Variants in MSRA observed in about 807,000 individuals in gnomAD.
MSRA encodes the protein methionine sulfoxide reductase A.
A neutral mutation model predicts 31.3 loss-of-function variants in MSRA; 54 were observed. That is an observed-to-expected ratio of 1.73 (90% CI 1.39 to 2.17). The LOEUF is 2.17. Ranked by LOEUF, MSRA falls within the 30% of genes most tolerant of loss-of-function variation. The pLI is 0.00. For missense variants in MSRA, 507 were observed against 300.9 expected, an observed-to-expected ratio of 1.69 and a Z score of -5.07; for synonymous variants, 169 against 116.5, an observed-to-expected ratio of 1.45 and a Z score of -2.90.
chr8:10,171,726 C>T (rs1263779380), intron 1 of MSRA, among the ~76,000 whole-genome samples: 3 of 152,190 alleles, frequency 2.0e-5, no homozygotes, highest in African/African-American at 7.2e-5. Context: ...ACACTTTGAA[C>T]ATCATCTTTA....
intron 5 of MSRA, among the ~76,000 whole-genome samples, chr8:10,381,921 A>C (rs1387216401): frequency 6.6e-6 from 1 of 152,208 alleles, no homozygotes; most frequent in African/African-American, 2.4e-5. Context: ...CCAGGGGATT[A>C]GAGGCATGTC....
At chr8:10,342,606 G>C (rs757609837) in intron 5 of MSRA, among the ~76,000 whole-genome samples, 13 of 152,234 alleles carry the variant, frequency 8.5e-5, no homozygotes, top group Non-Finnish European at 1.6e-4. Context: ...AGTCAAATCT[G>C]AGGCCGTTGT....
chr8:10,066,754 C>T (rs998137311), intron 1 of MSRA, among the ~76,000 whole-genome samples: 2 of 151,850 alleles, frequency 1.3e-5, no homozygotes, highest in South Asian at 2.1e-4. Context: ...GGGCTGGTCT[C>T]GAACTCCTGA....
intron 2 of MSRA, among the ~76,000 whole-genome samples, chr8:10,220,013 T>G (rs138563282): frequency 1.3e-5 from 2 of 151,958 alleles, no homozygotes; most frequent in Non-Finnish European, 2.9e-5. Flanking sequence ...GGTTGAACCA[T>G]GTGGAGAAAC....
intron 3 of MSRA, among the ~76,000 whole-genome samples, chr8:10,279,489 TGATC>T (rs1314239772): frequency 6.6e-6 from 1 of 152,188 alleles, no homozygotes; most frequent in African/African-American, 2.4e-5. Context: ...AGTTTGAGTT[TGATC>T]GTCATCCTCC....
intron 5 of MSRA, among the ~76,000 whole-genome samples, chr8:10,342,173 C>T (rs1391971569): frequency 2.0e-5 from 3 of 152,188 alleles, no homozygotes; most frequent in Admixed American, 1.3e-4. Flanking sequence ...GATTTTTCCG[C>T]TCATTTGTTT....
chr8:10,189,003 T>C (rs944249493), intron 1 of MSRA, among the ~76,000 whole-genome samples: 6 of 152,234 alleles, frequency 3.9e-5, no homozygotes, highest in Non-Finnish European at 8.8e-5. Flanking sequence ...GAACATGATG[T>C]ATCTTTCCAT....
At chr8:10,132,344 C>G (rs759171560) in intron 1 of MSRA, among the ~76,000 whole-genome samples, 1 of 152,210 alleles carries the variant, frequency 6.6e-6, no homozygotes, top group Middle Eastern at 3.2e-3. Context: ...TTCTCTGAAG[C>G]GTGTTTGACT....
chr8:10,342,673 A>G (rs979470021), intron 5 of MSRA, among the ~76,000 whole-genome samples: 1 of 152,208 alleles, frequency 6.6e-6, no homozygotes, highest in African/African-American at 2.4e-5. Context: ...AGTCCAGCGC[A>G]GTTCCCTGGC....
intron 2 of MSRA, among the ~76,000 whole-genome samples, chr8:10,226,581 A>C (rs1472651949): frequency 1.3e-5 from 2 of 152,228 alleles, no homozygotes; most frequent in Non-Finnish European, 2.9e-5. Context: ...AGGGAAAAGC[A>C]AATTGCAGAA....
intron 3 of MSRA, among the ~76,000 whole-genome samples, chr8:10,291,881 G>C (rs573523339): frequency 6.6e-6 from 1 of 152,280 alleles, no homozygotes; most frequent in South Asian, 2.1e-4. Context: ...TTAAAGATCA[G>C]TTTCTTACCT....
chr8:10,282,053 C>T (rs772852510), intron 3 of MSRA, among the ~76,000 whole-genome samples: 8 of 152,146 alleles, frequency 5.3e-5, no homozygotes, highest in Non-Finnish European at 1.2e-4. Context: ...TCTCCCCCCA[C>T]GTACAATAGT....
At chr8:10,312,829 C>A (rs6601430) in intron 4 of MSRA, among the ~76,000 whole-genome samples, 1 of 151,962 alleles carries the variant, frequency 6.6e-6, no homozygotes, top group South Asian at 2.1e-4. Context: ...TTAAAAAGTA[C>A]TGAATACAAT....
chr8:10,406,358 A>C (rs895236302), intron 5 of MSRA, among the ~76,000 whole-genome samples: 11 of 152,236 alleles, frequency 7.2e-5, no homozygotes, highest in African/African-American at 2.7e-4. Flanking sequence ...GTGACCTTTC[A>C]GCTACTTCTA....
At chr8:10,422,524 G>A (rs1324229492) in intron 5 of MSRA, among the ~76,000 whole-genome samples, 1 of 152,148 alleles carries the variant, frequency 6.6e-6, no homozygotes, top group African/African-American at 2.4e-5. Flanking sequence ...CCTGGGCCAG[G>A]TGTCGCCCCA....
intron 1 of MSRA, among the ~76,000 whole-genome samples, chr8:10,119,802 C>T (rs1357942559): frequency 6.6e-6 from 1 of 152,034 alleles, no homozygotes; most frequent in African/African-American, 2.4e-5. Context: ...AAAGGGACTA[C>T]CTTGGTCAGG....
At chr8:10,149,242 C>T (rs186095868) in intron 1 of MSRA, among the ~76,000 whole-genome samples, 3 of 152,126 alleles carry the variant, frequency 2.0e-5, no homozygotes, top group Admixed American at 6.5e-5. Context: ...CTGCCTCAGC[C>T]TCCCAAGTAT....
At position 10,169,876 on chromosome 8, in the gene MSRA, C is replaced by T. The variant is rs138746679; in HGVS notation, c.143-37957C>T. Among the ~76,000 whole-genome samples, 418 of 147,188 alleles carry T rather than the reference C, an allele frequency of 2.8e-3. 1 individual carries two copies. Among genetic ancestry groups the T allele is most frequent in the African/African-American group, 9.6e-3 (386 of 40,144 alleles). On this transcript the variant is annotated intron_variant, in intron 1 of 5. Coordinates refer to ENST00000317173, the MANE Select transcript of MSRA (RefSeq NM_012331.5). ...GACCCATTAAGCTCACTTATTTGTT[C>T]TTGTAACTTTTTTGCCCATTCCTTG...
intron 1 of MSRA, among the ~76,000 whole-genome samples, chr8:10,114,639 A>C (rs1337821541): frequency 6.6e-6 from 1 of 152,208 alleles, no homozygotes; most frequent in Non-Finnish European, 1.5e-5. Flanking sequence ...GGAAAAAGAG[A>C]GGTCTTACGT....
Sources: allele counts gnomAD v4.1 joint callset (sites outside exome capture counted in the v4.1 genomes callset), GRCh38; gene constraint gnomAD v4.1.1; transcripts MANE v1.5; gene names NCBI Gene and HGNC (gene_info 2026-07-23, HGNC 2026-07-21).